The following GLYATL1B variants were observed in gnomAD, a reference collection of about 807,000 sequenced individuals.
GLYATL1B encodes putative glycine N-acyltransferase-like protein 1B.
A neutral mutation model predicts 5.5 loss-of-function variants in GLYATL1B; 6 were observed. That is an observed-to-expected ratio of 1.09 (90% CI 0.60 to 2.15). The LOEUF is 2.15. Ranked by LOEUF, GLYATL1B falls within the 30% of genes most tolerant of loss-of-function variation. GLYATL1B has a pLI of 0.00. For missense variants in GLYATL1B, 135 were observed against 94.1 expected, an observed-to-expected ratio of 1.43 and a Z score of -1.80; for synonymous variants, 67 against 34.9, an observed-to-expected ratio of 1.92 and a Z score of -3.24.
intron 2 of GLYATL1B, among the ~76,000 whole-genome samples, chr11:59,089,602 CA>C (rs1459254255): frequency 6.6e-6 from 1 of 152,104 alleles, no homozygotes. Flanking sequence ...TGATATTCAA[CA>C]TATATTTTCA....
intron 2 of GLYATL1B, among the ~76,000 whole-genome samples, chr11:59,090,038 C>A (rs1590871740): frequency 6.6e-6 from 1 of 151,882 alleles, no homozygotes. Context: ...ATATTTATCC[C>A]CCGAATGGCT....
intron 2 of GLYATL1B, among the ~76,000 whole-genome samples, chr11:59,087,374 T>C (rs1859212169): frequency 6.6e-6 from 1 of 151,312 alleles, no homozygotes; most frequent in Admixed American, 6.6e-5. Context: ...GGAAAGGGGG[T>C]CAAGGGGGAA....
intron 2 of GLYATL1B, among the ~76,000 whole-genome samples, chr11:59,088,084 T>A (rs1859227905): frequency 6.6e-6 from 1 of 152,202 alleles, no homozygotes; most frequent in African/African-American, 2.4e-5. Context: ...TTCAACGGAC[T>A]CTGCCACTTT....
intron 2 of GLYATL1B, among the ~76,000 whole-genome samples, chr11:59,091,396 G>A (rs770737129): frequency 3.3e-5 from 5 of 152,074 alleles, no homozygotes; most frequent in South Asian, 4.1e-4. Context: ...TTTGTTACAC[G>A]CAAATATTGC....
rs549751538 is a variant in GLYATL1B at position 59,090,356 on chromosome 11, T to C, written c.187-3173T>C. On this transcript the variant is annotated intron_variant, in intron 2 of 4. Transcript: ENST00000527482. ...TTGTGATTTGTATTGGAGGAGCTTT[T>C]TTAGACAATTGTGGAAGCATTAATA... 2.0e-5 allele frequency among the ~76,000 whole-genome samples: 3 copies of C among 152,144 alleles called. No individual in the cohort carries two copies. In the East Asian group the frequency reaches 5.8e-4, roughly 29 times the overall value.
intron 2 of GLYATL1B, among the ~76,000 whole-genome samples, chr11:59,088,998 C>A (rs1469959682): frequency 6.6e-6 from 1 of 152,126 alleles, no homozygotes; most frequent in Non-Finnish European, 1.5e-5. Flanking sequence ...AAAAATTCAA[C>A]ATGATTTTAA....
At position 59,094,460 on chromosome 11, in the gene GLYATL1B, C is replaced by T. The variant is rs564552416; in HGVS notation, c.583C>T (p.Leu195=). 106 of 716,644 alleles carry T rather than the reference C, an allele frequency of 1.5e-4. No individual in the cohort carries two copies. Among genetic ancestry groups the T allele is most frequent in the Middle Eastern group, 1.3e-3 (5 of 3,874 alleles). 44.4% of individuals were successfully genotyped at this position (716,644 alleles called of 1,614,324 possible). Residue 195 remains leucine (L), a synonymous_variant, in exon 5 of 5, where the codon CTG becomes TTG. Coordinates refer to ENST00000527482, the MANE Select transcript of GLYATL1B (RefSeq NM_001355566.1). ...GAAGCTAGGGATGAATAAGAGGAGC[C>T]TGCGTTACATCAAGCGCTGCCTAGG... ...NWKLGMNKRS[L]RYIKRCLGAL...
In GLYATL1B at chr11:59,087,344, TA is replaced by T. The variant is rs560449425; in HGVS notation, c.186+176del. ...GTGCCACATGTTAACACTCTTCCTG[TA>T]AAGCATAAGACTCATTAGGGAAAGG... On this transcript the variant is annotated intron_variant, in intron 2 of 4. Transcript: ENST00000527482. 4.9e-3 allele frequency among the ~76,000 whole-genome samples: 735 copies of T among 150,964 alleles called. 10 individuals carry two copies. The South Asian group carries it at 0.051, about 10-fold the overall frequency.
At chr11:59,087,343 G>A (rs776301273) in intron 2 of GLYATL1B, among the ~76,000 whole-genome samples, 172 bp downstream of exon 2, 1 of 151,470 alleles carries the variant, frequency 6.6e-6, no homozygotes, top group Non-Finnish European at 1.5e-5. Context: ...CACTCTTCCT[G>A]TAAAGCATAA....
intron 2 of GLYATL1B, among the ~76,000 whole-genome samples, chr11:59,093,041 C>A (rs1297250165): frequency 6.6e-6 from 1 of 152,304 alleles, no homozygotes; most frequent in Admixed American, 6.5e-5. Flanking sequence ...GGACTCAGTA[C>A]AACCCAGAAT....
chr11:59,086,504 T>G (rs1859198165), intron 1 of GLYATL1B, 120 bp downstream of exon 1: 2 of 394,450 alleles, frequency 5.1e-6, no homozygotes, highest in Non-Finnish European at 9.0e-6. Flanking sequence ...GGAAACAGGA[T>G]GGGGTTGGGG....
chr11:59,086,452 T>A (rs61891807), intron 1 of GLYATL1B, 68 bp downstream of exon 1: 6,564 of 389,984 alleles, frequency 0.017, 113 homozygotes, highest in Non-Finnish European at 0.021. Context: ...AACAGGCTCA[T>A]GAATCTCGTC....
chr11:59,093,697 A>G, intron 3 of GLYATL1B, 42 bp downstream of exon 3: 1 of 464,030 alleles, frequency 2.2e-6, no homozygotes, highest in Non-Finnish European at 3.8e-6. Context: ...GTGCTTCTCA[A>G]ATTGTGTCTT....
At chr11:59,093,862 A>T in intron 3 of GLYATL1B, 72 bp from the exon 4 acceptor site, 3 of 549,306 alleles carry the variant, frequency 5.5e-6, no homozygotes, top group Admixed American at 6.1e-5. Flanking sequence ...GCACTGAGGC[A>T]TTAATCAGGT....
At chr11:59,088,558 T>G (rs955688929) in intron 2 of GLYATL1B, among the ~76,000 whole-genome samples, 1 of 152,210 alleles carries the variant, frequency 6.6e-6, no homozygotes, top group Non-Finnish European at 1.5e-5. Context: ...TCCAATTTCT[T>G]CAAAGTGTCA....
rs532091275 is a variant in GLYATL1B, at chr11:59,090,288, A to G, written c.186+3117A>G. 9.6e-4 allele frequency among the ~76,000 whole-genome samples: 146 copies of G among 152,114 alleles called. 1 individual carries two copies. The highest frequency in any genetic ancestry group is 2.2e-3 in the Admixed American group (33 of 15,278). On this transcript the variant is annotated intron_variant, in intron 2 of 4. Coordinates refer to ENST00000527482, the MANE Select transcript of GLYATL1B (RefSeq NM_001355566.1). ...AAACTTCAGAGCTATATGAACAAAAACTAATTTTTCAGTTCCCCAATTTCC... is the reference window on the plus strand; with the variant it reads ...AAACTTCAGAGCTATATGAACAAAAGCTAATTTTTCAGTTCCCCAATTTCC...
At position 59,087,135 on chromosome 11, in the gene GLYATL1B, C is replaced by T. The variant is rs375075440; in HGVS notation, c.150C>T (p.Pro50=). 42 of 657,196 alleles carry T rather than the reference C, an allele frequency of 6.4e-5. No individual in the cohort carries two copies. The highest frequency in any genetic ancestry group is 4.4e-4 in the African/African-American group (25 of 56,694). 40.7% of individuals were successfully genotyped at this position (657,196 alleles called of 1,614,324 possible). The part of the protein sequence containing the change: ...FNMEVLVDSW[P]EYQMVIIRPQ... The stretch of plus-strand genomic sequence containing the variant: ...TGGAAGTGTTGGTGGACTCCTGGCC[C>T]GAGTATCAGATGGTTATTATCCGAC... The change falls in exon 2 of 5, where the codon CCC becomes CCT. Residue 50 remains proline (P), a synonymous_variant. Transcript: ENST00000527482.
intron 2 of GLYATL1B, among the ~76,000 whole-genome samples, chr11:59,091,229 G>A (rs1859301683): frequency 6.6e-6 from 1 of 151,902 alleles, no homozygotes. Context: ...ACCAGATTTG[G>A]CATTAGGATA....
At chr11:59,087,991 G>C (rs555418064) in intron 2 of GLYATL1B, among the ~76,000 whole-genome samples, 17 of 152,326 alleles carry the variant, frequency 1.1e-4, no homozygotes, top group African/African-American at 4.1e-4. Flanking sequence ...TTAATTTAGA[G>C]ATGAGGAAAC....
Sources: allele counts gnomAD v4.1 joint callset (sites outside exome capture counted in the v4.1 genomes callset), GRCh38; gene constraint gnomAD v4.1.1; transcripts MANE v1.5; gene names NCBI Gene and HGNC (gene_info 2026-07-23, HGNC 2026-07-21).